ARHGAP8: variants seen among roughly 807,000 people sequenced by gnomAD.
ARHGAP8 encodes the protein rho GTPase-activating protein 8.
In ARHGAP8, 62 loss-of-function variants were observed where a neutral mutation model predicts 46.1. The ratio of observed to expected loss-of-function variants is 1.34; its 90% CI spans 1.10 to 1.66. ARHGAP8 has a LOEUF of 1.66. Ranked by LOEUF, ARHGAP8 falls within the 40% of genes most tolerant of loss-of-function variation. The pLI, the probability that ARHGAP8 is intolerant of heterozygous loss-of-function variation, is 0.00. For missense variants in ARHGAP8, 923 were observed against 568.4 expected (o/e 1.62, Z -6.34); for synonymous variants, 375 against 243.1 (o/e 1.54, Z -5.05).
chr22:44,777,943 G>C (rs560849954), intron 1 of ARHGAP8, among the ~76,000 whole-genome samples: 21 of 152,242 alleles, frequency 1.4e-4, no homozygotes, highest in Non-Finnish European at 2.9e-5. Context: ...TGATCCACCT[G>C]CCTCAGCCTC....
intron 7 of ARHGAP8, among the ~76,000 whole-genome samples, chr22:44,827,830 C>T (rs1415272134): frequency 6.6e-6 from 1 of 152,004 alleles, no homozygotes; most frequent in Non-Finnish European, 1.5e-5. Flanking sequence ...GCCTGGAGTG[C>T]AAATGTGAAG....
chr22:44,845,663 G>A (rs573007444), intron 8 of ARHGAP8, among the ~76,000 whole-genome samples: 2 of 152,320 alleles, frequency 1.3e-5, no homozygotes, highest in Admixed American at 1.3e-4. Flanking sequence ...TGCCTGCAAA[G>A]CACTTCGGGC....
chr22:44,772,921 C>T (rs918524757), intron 1 of ARHGAP8, among the ~76,000 whole-genome samples: 5 of 150,330 alleles, frequency 3.3e-5, no homozygotes, highest in Non-Finnish European at 5.9e-5. Context: ...TGGGTTCAAG[C>T]GGTCCTCCTA....
intron 2 of ARHGAP8, chr22:44,801,704 G>A (rs1928564061): frequency 8.5e-6 from 2 of 236,260 alleles, no homozygotes; most frequent in African/African-American, 4.5e-5. Context: ...CAGAATCATG[G>A]GGTGGGGGGT....
chr22:44,822,334 C>G (rs1446725378), intron 5 of ARHGAP8, 37 bp from the exon 6 acceptor site: 2 of 1,564,270 alleles, frequency 1.3e-6, no homozygotes, highest in East Asian at 2.4e-5. Context: ...CTGCTGGCGC[C>G]TAATCGTTCT....
intron 1 of ARHGAP8, among the ~76,000 whole-genome samples, chr22:44,754,509 C>T (rs5764988): frequency 0.51 from 76,734 of 151,720 alleles, 19,935 homozygotes; most frequent in Non-Finnish European, 0.56. Context: ...GCGCCCACCA[C>T]CACACCCAGC....
chr22:44,842,429 A>G (rs988100059), intron 7 of ARHGAP8, among the ~76,000 whole-genome samples: 10 of 152,216 alleles, frequency 6.6e-5, no homozygotes, highest in African/African-American at 2.2e-4. Context: ...CTTGGGATGA[A>G]TTCCTAGACA....
chr22:44,861,568 G>A (rs2070486858), intron 11 of ARHGAP8, among the ~76,000 whole-genome samples: 1 of 152,178 alleles, frequency 6.6e-6, no homozygotes, highest in South Asian at 2.1e-4. Context: ...TCTCTGCTCT[G>A]CCCTGGTACT....
intron 2 of ARHGAP8, among the ~76,000 whole-genome samples, chr22:44,796,060 C>A (rs977392177): frequency 6.6e-6 from 1 of 152,226 alleles, no homozygotes; most frequent in East Asian, 1.9e-4. Context: ...AAAGTCAGAC[C>A]TCAGTCCTTG....
chr22:44,781,324 AC>A (rs1475917587), intron 1 of ARHGAP8, among the ~76,000 whole-genome samples: 3 of 152,024 alleles, frequency 2.0e-5, no homozygotes, highest in African/African-American at 7.2e-5. Flanking sequence ...AGCGATAGGA[AC>A]CCATTTCTCC....
chr22:44,816,884 C>CTTTTTTTTT (rs981732386), intron 5 of ARHGAP8, among the ~76,000 whole-genome samples: 25 of 115,104 alleles, frequency 2.2e-4, no homozygotes, highest in South Asian at 3.1e-4. Context: ...TTCTTTCTTT[C>CTTTTTTTTT]TTTTTTTTTT....
At chr22:44,833,914 G>T (rs769104568) in intron 7 of ARHGAP8, among the ~76,000 whole-genome samples, 1 of 151,954 alleles carries the variant, frequency 6.6e-6, no homozygotes, top group Non-Finnish European at 1.5e-5. Context: ...TGTTCATTTC[G>T]TCTAGGTTTT....
chr22:44,798,570 C>T (rs1928263591), intron 2 of ARHGAP8, among the ~76,000 whole-genome samples: 2 of 151,300 alleles, frequency 1.3e-5, no homozygotes, highest in South Asian at 4.2e-4. Flanking sequence ...ACTCTTCCCC[C>T]ACTACACAGG....
chr22:44,839,189 C>T (rs1931486637), intron 7 of ARHGAP8, among the ~76,000 whole-genome samples: 1 of 152,116 alleles, frequency 6.6e-6, no homozygotes, highest in African/African-American at 2.4e-5. Flanking sequence ...ACGCCTTCTC[C>T]CTCCCAGAGA....
chr22:44,822,271 C>A (rs1930205802), intron 5 of ARHGAP8, 100 bp from the exon 6 acceptor site: 5 of 939,920 alleles, frequency 5.3e-6, no homozygotes, highest in East Asian at 2.8e-5. Flanking sequence ...ATGAAAAATG[C>A]CTGCATTGTT....
At chr22:44,818,442 T>C (rs1929900400) in intron 5 of ARHGAP8, among the ~76,000 whole-genome samples, 1 of 102,550 alleles carries the variant, frequency 9.8e-6, no homozygotes, top group African/African-American at 8.6e-5. Context: ...AGAGTGAGAC[T>C]CCAGTCTCAA....
In ARHGAP8 at chr22:44,862,372, T is replaced by G. The variant is rs758482492; in HGVS notation, c.1079T>G (p.Leu360Arg). 1 of 1,614,146 alleles carries G rather than the reference T, an allele frequency of 6.2e-7. No individual in the cohort carries two copies. Among genetic ancestry groups the G allele is most frequent in the South Asian group, 1.1e-5 (1 of 91,072 alleles). ...LIWPSQGVSS[L>R]SALVPLNMFT... The stretch of plus-strand genomic sequence containing the variant: ...TGGCCATCCCAGGGGGTCTCCTCCC[T>G]GAGTGCCCTTGTGCCCCTGAACATG... The change falls in exon 12 of 12, where the codon CTG becomes CGG. Residue 360 changes from leucine to arginine, a missense_variant. Physicochemically the swap from Leu to Arg is moderately radical, Grantham distance 102. Transcript: ENST00000356099.
chr22:44,798,455 C>T (rs899357099), intron 2 of ARHGAP8, among the ~76,000 whole-genome samples: 2 of 151,886 alleles, frequency 1.3e-5, no homozygotes, highest in Non-Finnish European at 2.9e-5. Context: ...ATAATCTTAT[C>T]TTGATCCTTA....
intron 7 of ARHGAP8, among the ~76,000 whole-genome samples, chr22:44,836,940 A>ACGATCT (rs1257067875): frequency 6.6e-6 from 1 of 152,004 alleles, no homozygotes; most frequent in African/African-American, 2.4e-5. Context: ...GTGCAGTGGC[A>ACGATCT]CGATCTCGAT....
Sources: allele counts gnomAD v4.1 joint callset (sites outside exome capture counted in the v4.1 genomes callset), GRCh38; gene constraint gnomAD v4.1.1; transcripts MANE v1.5; gene names NCBI Gene and HGNC (gene_info 2026-07-23, HGNC 2026-07-21).